TP53BP1: variants seen among roughly 807,000 people sequenced by gnomAD.
The protein encoded by TP53BP1 is TP53-binding protein 1.
Under a neutral mutation model 200.8 loss-of-function variants are expected in TP53BP1, and 61 were observed. That is an observed-to-expected ratio of 0.30 (90% CI 0.25 to 0.38). The LOEUF is 0.38. Among genes scored for constraint, TP53BP1 ranks in the 10% least tolerant of loss-of-function variants. The pLI is 1.00. For missense variants in TP53BP1, 2,144 were observed against 2,371.9 expected, an observed-to-expected ratio of 0.90 and a Z score of 2.00; for synonymous variants, 822 against 844.3, an observed-to-expected ratio of 0.97 and a Z score of 0.46.
chr15:43,488,994 C>T (rs2079084855), intron 4 of TP53BP1, among the ~76,000 whole-genome samples: 2 of 152,248 alleles, frequency 1.3e-5, no homozygotes, highest in Non-Finnish European at 2.9e-5. Flanking sequence ...TCTGTTTGGA[C>T]AGCTCCTCCT....
At position 43,456,172 on chromosome 15, in the gene TP53BP1, T is replaced by G; in HGVS notation, c.2436A>C (p.Glu812Asp). 1 of 1,614,226 alleles carries G rather than the reference T, an allele frequency of 6.2e-7. No homozygotes were observed. The highest frequency in any genetic ancestry group is 8.5e-7 in the Non-Finnish European group (1 of 1,180,044). Residue 812 changes from glutamate to aspartate, a missense_variant, in exon 12 of 28, where the codon GAA becomes GAC. This residue lies in a region of TP53BP1 where 1,700 missense variants were observed against 1,710.3 expected (regional missense o/e 0.99). Coordinates refer to ENST00000382044, the MANE Select transcript of TP53BP1 (RefSeq NM_001141980.3). ...GATCTCCTTCATATTCTACACTCTTTTCTTCCTTGGTGTCTAATCTATTCT... is the reference window on the plus strand; with the variant it reads ...GATCTCCTTCATATTCTACACTCTTGTCTTCCTTGGTGTCTAATCTATTCT... ...CAENRLDTKE[E>D]KSVEYEGDLK...
In TP53BP1 at chr15:43,404,642, C is replaced by T. The variant is rs772271608; in HGVS notation, c.*2741G>A. On this transcript the variant is annotated 3_prime_UTR_variant, in exon 28 of 28. Coordinates refer to ENST00000382044, the MANE Select transcript of TP53BP1 (RefSeq NM_001141980.3). ...TCTAGAACTGGAAGAAGACTTTAGT[C>T]CAAATACCCTCATTTTATAAGTAAG... 17 of 1,362,206 alleles carry T rather than the reference C, an allele frequency of 1.2e-5. No homozygotes were observed. The highest frequency in any genetic ancestry group is 1.5e-5 in the Non-Finnish European group (15 of 984,458). The allele number at this position is 1,362,206 out of a possible 1,614,324, so 84.4% of individuals were successfully genotyped here. A position where few individuals can be genotyped will look rare whatever the true frequency, so the allele number is the denominator to read the frequency against.
At chr15:43,455,318 A>T (rs553331187) in intron 12 of TP53BP1, among the ~76,000 whole-genome samples, 2 of 152,362 alleles carry the variant, frequency 1.3e-5, no homozygotes, top group East Asian at 3.9e-4. Flanking sequence ...TAAGTAAAAA[A>T]AAAACAGATT....
Position 43,408,878 on chromosome 15 carries a change from A to C in TP53BP1, c.5600+19T>G. ...TGTCCTCCTGCCTATACAATTCTGG[A>C]TGGGCTTCAAATACTTACCAGTCCA... On this transcript the variant is annotated intron_variant, in intron 26 of 27. Coordinates refer to ENST00000382044, the MANE Select transcript of TP53BP1 (RefSeq NM_001141980.3). The C allele has an allele frequency of 6.2e-7, 1 of 1,613,308 alleles. No individual in the cohort carries two copies. The highest frequency in any genetic ancestry group is 1.3e-5 in the African/African-American group (1 of 74,986).
intron 11 of TP53BP1, among the ~76,000 whole-genome samples, chr15:43,468,101 T>C (rs1301242542): frequency 6.6e-6 from 1 of 152,038 alleles, no homozygotes; most frequent in Non-Finnish European, 1.5e-5. Flanking sequence ...ATAACTTTTT[T>C]TTTTTTTGAG....
At chr15:43,416,138 G>A in intron 22 of TP53BP1, 87 bp downstream of exon 22, 1 of 1,259,956 alleles carries the variant, frequency 7.9e-7, no homozygotes, top group Non-Finnish European at 1.1e-6. Context: ...AAAAGTTAGG[G>A]AAACATTACT....
intron 11 of TP53BP1, among the ~76,000 whole-genome samples, chr15:43,460,237 A>AG (rs2046397431): frequency 2.0e-5 from 3 of 152,096 alleles, no homozygotes. Context: ...ATAGATGGTT[A>AG]GGCATTCATT....
At position 43,456,463 on chromosome 15, in the gene TP53BP1, T is replaced by C; in HGVS notation, c.2145A>G (p.Lys715=). 2 of 1,566,552 alleles carry C rather than the reference T, an allele frequency of 1.3e-6. No homozygotes were observed. The highest frequency in any genetic ancestry group is 1.7e-6 in the Non-Finnish European group (2 of 1,161,488). Residue 715 remains lysine, a synonymous_variant, in exon 12 of 28, where the codon AAA becomes AAG. Transcript: ENST00000382044. ...GLCLQKEMPK[K]ECSEAMEVET... ...CAACTTCCATAGCTTCTGAGCATTC[T>C]TTTTTTGGCATTTCCTTTTGAAGAC...
chr15:43,495,480 C>T (rs191541449), upstream of TP53BP1, among the ~76,000 whole-genome samples: 306 of 140,968 alleles, frequency 2.2e-3, 3 homozygotes, highest in African/African-American at 7.9e-3. Flanking sequence ...GCGTGGGCAG[C>T]AGAGTGAGAC....
chr15:43,448,107 C>T (rs2046084692), intron 12 of TP53BP1, among the ~76,000 whole-genome samples: 2 of 152,104 alleles, frequency 1.3e-5, no homozygotes, highest in Non-Finnish European at 2.9e-5. Context: ...AATGTTCATA[C>T]CTAAATCTCT....
intron 16 of TP53BP1, among the ~76,000 whole-genome samples, chr15:43,434,078 T>C (rs2045734241): frequency 6.6e-6 from 1 of 152,136 alleles, no homozygotes; most frequent in Non-Finnish European, 1.5e-5. Context: ...CAAGAAGAGC[T>C]TAGTATAAAT....
intron 7 of TP53BP1, among the ~76,000 whole-genome samples, chr15:43,479,137 G>A (rs912492785): frequency 7.2e-5 from 11 of 152,244 alleles, no homozygotes; most frequent in Admixed American, 2.6e-4. Context: ...CAGTACTTGG[G>A]AGGCTGGGGC....
chr15:43,450,293 A>G (rs2046137000), intron 12 of TP53BP1, among the ~76,000 whole-genome samples: 1 of 152,130 alleles, frequency 6.6e-6, no homozygotes, highest in South Asian at 2.1e-4. Flanking sequence ...ATAGTTTTAA[A>G]CCCATTTTTC....
At chr15:43,474,043 G>T (rs997769701) in intron 10 of TP53BP1, among the ~76,000 whole-genome samples, 1 of 152,232 alleles carries the variant, frequency 6.6e-6, no homozygotes, top group African/African-American at 2.4e-5. Context: ...AGTAAGGCCC[G>T]GCGAGAAATC....
In TP53BP1 at chr15:43,448,693, T is replaced by A. The variant is rs574340770; in HGVS notation, c.2717-1208A>T. 5.3e-5 allele frequency among the ~76,000 whole-genome samples: 8 copies of A among 151,934 alleles called. No individual in the cohort carries two copies. The East Asian group carries it at 1.4e-3, about 26-fold the overall frequency. On this transcript the variant is annotated intron_variant, in intron 12 of 27. Transcript: ENST00000382044. ...TAGCTGGGACTACAGGCGCCCTCCA[T>A]CACGCCCAGCTAATTTTTTGTATTT...
intron 11 of TP53BP1, among the ~76,000 whole-genome samples, chr15:43,468,276 G>A (rs2140087080): frequency 6.6e-6 from 1 of 152,134 alleles, no homozygotes; most frequent in South Asian, 2.1e-4. Context: ...CAGGTACGGT[G>A]GCCCACACCT....
intron 7 of TP53BP1, among the ~76,000 whole-genome samples, chr15:43,478,949 G>A (rs2078922417): frequency 6.6e-6 from 1 of 152,176 alleles, no homozygotes; most frequent in South Asian, 2.1e-4. Flanking sequence ...AGTGGCTCAC[G>A]CCTATAATCC....
upstream of TP53BP1, chr15:43,493,173 T>A: frequency 2.0e-6 from 3 of 1,521,916 alleles, no homozygotes; most frequent in Admixed American, 2.0e-5. Context: ...TCCCGTCACG[T>A]CACACAATAT....
At chr15:43,408,587 T>G (rs2045003759) in intron 26 of TP53BP1, 1 of 347,946 alleles carries the variant, frequency 2.9e-6, no homozygotes, top group Admixed American at 4.2e-5. Flanking sequence ...GTTCTGGGGC[T>G]GAGAATAATC....
Sources: allele counts gnomAD v4.1 joint callset (sites outside exome capture counted in the v4.1 genomes callset), GRCh38; gene constraint gnomAD v4.1.1; regional missense constraint gnomAD v4.1.1; transcripts MANE v1.5; gene names NCBI Gene and HGNC (gene_info 2026-07-23, HGNC 2026-07-21).